PRKCD: variants seen among roughly 807,000 people sequenced by gnomAD.
PRKCD encodes protein kinase C delta type.
PRKCD carries 20 observed loss-of-function variants against 82.2 expected under a neutral mutation model. The ratio of observed to expected loss-of-function variants is 0.24; its 90% CI spans 0.17 to 0.35. PRKCD has a LOEUF of 0.35. Among genes scored for constraint, PRKCD ranks in the 10% least tolerant of loss-of-function variants. The pLI, the probability that PRKCD is intolerant of heterozygous loss-of-function variation, is 1.00. For synonymous variants in PRKCD, 317 were observed against 337.0 expected (o/e 0.94, Z 0.65); for missense variants, 607 against 899.0 (o/e 0.68, Z 4.15).
chr3:53,178,416 C>G lies in PRKCD; in HGVS notation c.-7C>G. ...TCTGTGTGCACAGCCCCACTGCAGG[C>G]CCCACCATGGCGCCGTTCCTGCGCA... On this transcript the variant is annotated 5_prime_UTR_variant, in exon 3 of 19. Transcript: ENST00000330452. The G allele has an allele frequency of 6.2e-7, 1 of 1,609,072 alleles. No homozygotes were observed. Among genetic ancestry groups the G allele is most frequent in the Non-Finnish European group, 8.5e-7 (1 of 1,178,462 alleles).
chr3:53,161,865 C>T (rs1702673052), intron 1 of PRKCD, among the ~76,000 whole-genome samples: 1 of 132,718 alleles, frequency 7.5e-6, no homozygotes, highest in Admixed American at 7.4e-5. Flanking sequence ...CCCCCACCCA[C>T]ACCCCTACCC....
Position 53,185,584 on chromosome 3 carries a change from C to T in PRKCD, c.889-20C>T, listed in dbSNP as rs369329996. On this transcript the variant is annotated intron_variant, in intron 10 of 18. Coordinates refer to ENST00000330452, the MANE Select transcript of PRKCD (RefSeq NM_006254.4). ...ATAATGGTCTGACCATCTGGCCCCC[C>T]ACCTCTGCTCCCTCCCCAGAGAGCC... 3.7e-5 allele frequency: 59 copies of T among 1,607,336 alleles called. No homozygotes were observed.
chr3:53,185,257 G>T (rs1200870653), intron 10 of PRKCD, among the ~76,000 whole-genome samples: 1 of 152,244 alleles, frequency 6.6e-6, no homozygotes, highest in African/African-American at 2.4e-5. Context: ...ACGTTTGTAT[G>T]TGGGGGGGGC....
At chr3:53,186,433 G>C in intron 13 of PRKCD, 93 bp downstream of exon 13, 1 of 1,502,426 alleles carries the variant, frequency 6.7e-7, no homozygotes, top group Admixed American at 1.8e-5. Context: ...TCCCCTTCAG[G>C]CCACTTAAGG....
rs1279832388 is a variant in PRKCD at position 53,169,684 on chromosome 3, G to A, written c.-20+4469G>A. 6.6e-6 allele frequency among the ~76,000 whole-genome samples: 1 copy of A among 152,170 alleles called. No homozygotes were observed. Among genetic ancestry groups the A allele is most frequent in the African/African-American group, 2.4e-5 (1 of 41,444 alleles). ...TTAGAGGTCTCCATTGTTGAGACAG[G>A]GAGGCTGGAGCCCCGGGAGGGGCAG... On this transcript the variant is annotated intron_variant, in intron 2 of 18. Transcript: ENST00000330452. This position sits in a 1 kb window ranked among gnomAD's most constrained non-coding sequence, Gnocchi z 4.7.
rs1277781409 is a variant in PRKCD, at chr3:53,186,070, G to C, written c.1086+43G>C. ...GGCACCTGCTTCCCACCCCACCCTG[G>C]CTTCTTCCCGCTTAGGTGGCTGAGG... On this transcript the variant is annotated intron_variant, in intron 12 of 18. Transcript: ENST00000330452. The C allele has an allele frequency of 2.5e-6, 4 of 1,611,382 alleles. No homozygotes were observed. The African/African-American group carries it at 5.3e-5, about 22-fold the overall frequency.
rs782197980 is a variant in PRKCD at position 53,186,151 on chromosome 3, C to T, written c.1087-16C>T. The T allele has an allele frequency of 1.3e-5, 21 of 1,612,166 alleles. No homozygotes were observed. In the Admixed American group the frequency reaches 2.0e-4, roughly 15 times the overall value. ...GCCCCGTCCTCACCTGCTCAGCACC[C>T]GTGTCTCCCCATCAGGTGCTGCTTG... On this transcript the variant is annotated splice_polypyrimidine_tract_variant and intron_variant, in intron 12 of 18. Transcript: ENST00000330452.
chr3:53,181,096 G>A, intron 4 of PRKCD, 111 bp from the exon 5 acceptor site: 1 of 1,195,182 alleles, frequency 8.4e-7, no homozygotes, highest in East Asian at 2.6e-5. Flanking sequence ...GCTAGGCCTT[G>A]GGGGGCTGCC....
chr3:53,188,801 A>G lies in PRKCD; in HGVS notation c.1497A>G (p.Ile499Met), dbSNP rs1173563344. 6.2e-7 allele frequency: 1 copy of G among 1,614,092 alleles called. No homozygotes were observed. The highest frequency in any genetic ancestry group is 2.2e-5 in the East Asian group (1 of 44,894). The change falls in exon 16 of 19, where the codon ATA (isoleucine) becomes ATG (methionine). Residue 499 changes from isoleucine (I) to methionine (M), a missense_variant. Around this residue, in one of 5 missense-constraint regions of PRKCD, gnomAD observed 251 missense variants for 423.9 expected, o/e 0.59. Transcript: ENST00000330452. Reference protein sequence around the residue: ...IADFGMCKENIFGESRASTFC... With the variant: ...IADFGMCKENMFGESRASTFC... Reference sequence around the variant, plus strand: ...ACTTTGGGATGTGCAAAGAGAACATATTCGGGGAGAGCCGGGCCAGCACCT... The same window carrying G: ...ACTTTGGGATGTGCAAAGAGAACATGTTCGGGGAGAGCCGGGCCAGCACCT...
At position 53,161,839 on chromosome 3, in the gene PRKCD, G is replaced by A. The variant is rs541305774; in HGVS notation, c.-132+411G>A. Among the ~76,000 whole-genome samples the A allele has an allele frequency of 2.2e-3, 305 of 141,672 alleles. 2 individuals are homozygous for A. Among genetic ancestry groups the A allele is most frequent in the Non-Finnish European group, 3.2e-3 (211 of 64,980 alleles). 92.9% of individuals were successfully genotyped at this position (141,672 alleles called of 152,430 possible). The stretch of plus-strand genomic sequence containing the variant: ...GATCCGTCCGTCCCTTGCCCTCCGC[G>A]TGCTCCATCGCCCCACCCCCACCCA... On this transcript the variant is annotated intron_variant, in intron 1 of 18. Coordinates refer to ENST00000330452, the MANE Select transcript of PRKCD (RefSeq NM_006254.4).
chr3:53,163,620 G>T (rs1370235093), intron 1 of PRKCD, among the ~76,000 whole-genome samples: 2 of 152,136 alleles, frequency 1.3e-5, no homozygotes, highest in East Asian at 1.9e-4. Flanking sequence ...CTGTGTTAAA[G>T]GTCCTTTAAC....
At chr3:53,176,194 G>A (rs538557173) in intron 2 of PRKCD, among the ~76,000 whole-genome samples, 38 of 152,282 alleles carry the variant, frequency 2.5e-4, no homozygotes, top group African/African-American at 8.7e-4. Flanking sequence ...AAGGCTTCGG[G>A]ACTTGGGCTC....
intron 2 of PRKCD, among the ~76,000 whole-genome samples, chr3:53,168,332 T>C (rs1482509481): frequency 6.6e-6 from 1 of 152,020 alleles, no homozygotes; most frequent in Non-Finnish European, 1.5e-5. Context: ...ACAGTTAGGG[T>C]TGGGCTAAGC....
intron 13 of PRKCD, 21 bp from the exon 14 acceptor site, chr3:53,186,583 T>A: frequency 6.3e-7 from 1 of 1,599,568 alleles, no homozygotes; most frequent in Non-Finnish European, 8.5e-7. Flanking sequence ...TCACCCCTGC[T>A]CACCACCCTT....
rs1703973189 is a variant in PRKCD at position 53,192,693 on chromosome 3, CTAAA to C, written c.*432_*435del. 2.7e-5 allele frequency: 4 copies of C among 149,834 alleles called. No homozygotes were observed. In the South Asian group the frequency reaches 8.5e-4, roughly 32 times the overall value. The allele number at this position is 149,834 out of a possible 1,614,324, so 9.3% of individuals were successfully genotyped here. On this transcript the variant is annotated 3_prime_UTR_variant, in exon 19 of 19. Coordinates refer to ENST00000330452, the MANE Select transcript of PRKCD (RefSeq NM_006254.4). ...TGAACCACCAGGTTTATTTGTGTGT[CTAAA>C]TAAACACCAAATAGTACCAACCTGG...
intron 9 of PRKCD, 82 bp downstream of exon 9, chr3:53,183,663 C>G: frequency 1.3e-6 from 2 of 1,558,616 alleles, no homozygotes; most frequent in Non-Finnish European, 1.7e-6. Context: ...TCACGCCACC[C>G]TCGCCTCCTC....
At chr3:53,161,816 T>G (rs572023679) in intron 1 of PRKCD, among the ~76,000 whole-genome samples, 40 of 146,472 alleles carry the variant, frequency 2.7e-4, no homozygotes, top group African/African-American at 1.0e-3. Flanking sequence ...CGCCACCCGA[T>G]CCGTCCGTCC....
intron 14 of PRKCD, 118 bp downstream of exon 14, chr3:53,186,813 C>A: frequency 1.8e-6 from 2 of 1,094,576 alleles, no homozygotes; most frequent in Non-Finnish European, 2.6e-6. Context: ...CCAGCCTGGG[C>A]TAGAGCGGCA....
intron 2 of PRKCD, among the ~76,000 whole-genome samples, chr3:53,174,507 A>G (rs1251979483): frequency 6.6e-6 from 1 of 152,148 alleles, no homozygotes; most frequent in Non-Finnish European, 1.5e-5. Flanking sequence ...GGGGGCTATA[A>G]ATAGTCAGCA....
Sources: gnomAD v4.1 joint callset for allele counts (sites outside exome capture counted in the v4.1 genomes callset) on GRCh38, gnomAD v4.1.1 for gene constraint, gnomAD v4.1.1 regional missense constraint, Gnocchi (gnomAD v3.1) non-coding constraint, MANE v1.5 for transcripts, NCBI Gene and HGNC (gene_info 2026-07-23, HGNC 2026-07-21) for gene names.